Variants in NFKBIZ observed in about 807,000 individuals in gnomAD.
The protein encoded by NFKBIZ is NFKB inhibitor zeta.
A neutral mutation model predicts 76.8 loss-of-function variants in NFKBIZ; 19 were observed. The observed-to-expected ratio is 0.25, with a 90% CI of 0.17 to 0.36. NFKBIZ has a LOEUF of 0.36. Among genes scored for constraint, NFKBIZ ranks in the 10% least tolerant of loss-of-function variants. The pLI is 1.00. For missense variants in NFKBIZ, 829 were observed against 910.9 expected (o/e 0.91, Z 1.16); for synonymous variants, 368 against 354.8 (o/e 1.04, Z -0.42).
chr3:101,830,283 G>A lies in NFKBIZ; in HGVS notation c.-12+595G>A, dbSNP rs587451. Among the ~76,000 whole-genome samples the A allele has an allele frequency of 4.7e-3, 713 of 152,284 alleles. 1 individual carries two copies. Among genetic ancestry groups the A allele is most frequent in the Non-Finnish European group, 7.6e-3 (520 of 68,016 alleles). Reference sequence around the variant, plus strand: ...CAGCAAGATCTCATTTAGCCCTACAGCATTTTTTAGGTAGCTGTAATTAGC... The same window carrying A: ...CAGCAAGATCTCATTTAGCCCTACAACATTTTTTAGGTAGCTGTAATTAGC... On this transcript the variant is annotated intron_variant, in intron 2 of 12. Transcript: ENST00000394054.
chr3:101,848,583 A>C (rs1263048944), upstream of NFKBIZ, among the ~76,000 whole-genome samples: 1 of 152,198 alleles, frequency 6.6e-6, no homozygotes, highest in Non-Finnish European at 1.5e-5. Context: ...TCATTCCCGC[A>C]TTTTTTGCTA....
At chr3:101,856,939 T>G in intron 9 of NFKBIZ, 134 bp from the exon 10 acceptor site, 1 of 647,452 alleles carries the variant, frequency 1.5e-6, no homozygotes, top group Non-Finnish European at 2.7e-6. Flanking sequence ...AAGCAAGGCA[T>G]TTTGGAGAAG....
chr3:101,830,835 A>G (rs1942637982), intron 2 of NFKBIZ, among the ~76,000 whole-genome samples: 1 of 152,192 alleles, frequency 6.6e-6, no homozygotes, highest in Non-Finnish European at 1.5e-5. Flanking sequence ...ACCACGACAA[A>G]TGGTGAATTC....
upstream of NFKBIZ, among the ~76,000 whole-genome samples, chr3:101,847,884 C>T (rs1942876679): frequency 6.6e-6 from 1 of 152,200 alleles, no homozygotes; most frequent in South Asian, 2.1e-4. Flanking sequence ...AAAACCCAAA[C>T]ATTCTGCTCT....
At chr3:101,848,402 T>G (rs1942884568), upstream of NFKBIZ, among the ~76,000 whole-genome samples, 1 of 152,220 alleles carries the variant, frequency 6.6e-6, no homozygotes, top group East Asian at 1.9e-4. Context: ...ACCCATCCTT[T>G]AGGACCTATC....
intron 2 of NFKBIZ, among the ~76,000 whole-genome samples, chr3:101,830,129 T>G (rs1170239067): frequency 1.3e-5 from 2 of 152,150 alleles, no homozygotes; most frequent in Non-Finnish European, 2.9e-5. Context: ...TTCTGTTCCT[T>G]TAATTTGGGA....
intron 2 of NFKBIZ, among the ~76,000 whole-genome samples, chr3:101,834,951 C>G (rs527379763): frequency 6.6e-6 from 1 of 152,336 alleles, no homozygotes; most frequent in African/African-American, 2.4e-5. Context: ...TGGTCCTCCT[C>G]TTCTCCTATG....
At chr3:101,842,145 G>C (rs1373338246) in intron 2 of NFKBIZ, among the ~76,000 whole-genome samples, 7 of 152,132 alleles carry the variant, frequency 4.6e-5, no homozygotes, top group African/African-American at 1.7e-4. Flanking sequence ...TGAGAGTTGG[G>C]GTCAGGGGAG....
intron 2 of NFKBIZ, among the ~76,000 whole-genome samples, chr3:101,841,531 T>C (rs1032344954): frequency 5.3e-5 from 8 of 152,208 alleles, no homozygotes; most frequent in Non-Finnish European, 1.2e-4. Context: ...AGCACTACCA[T>C]ATTGAAGAAT....
At chr3:101,852,662 G>A in intron 2 of NFKBIZ, 76 bp from the exon 3 acceptor site, 1 of 972,202 alleles carries the variant, frequency 1.0e-6, no homozygotes, top group South Asian at 1.5e-5. Context: ...GGGTGGTAGA[G>A]ATAAGCCTAC....
At chr3:101,844,612 G>A (rs548855325), upstream of NFKBIZ, among the ~76,000 whole-genome samples, 3 of 152,250 alleles carry the variant, frequency 2.0e-5, no homozygotes, top group East Asian at 1.9e-4. Context: ...ATGACTGGCC[G>A]GTGCTGGAAA....
upstream of NFKBIZ, among the ~76,000 whole-genome samples, chr3:101,846,223 G>T (rs961734696): frequency 6.6e-6 from 1 of 152,210 alleles, no homozygotes; most frequent in Admixed American, 6.5e-5. Flanking sequence ...GTTGGCCTCA[G>T]TTGACTTTTC....
In NFKBIZ at chr3:101,857,198, G is replaced by C. The variant is rs751695202; in HGVS notation, c.1935+15G>C. ...TGAATGCAAAGGTACACCAGAGTTG[G>C]AATGGCCTTCTGTACACCCTCTCAA... On this transcript the variant is annotated intron_variant, in intron 10 of 11. Coordinates refer to ENST00000326172, the MANE Select transcript of NFKBIZ (RefSeq NM_031419.4). The C allele has an allele frequency of 4.7e-5, 7 of 150,118 alleles. No individual in the cohort carries two copies. The highest frequency in any genetic ancestry group is 6.8e-5 in the Non-Finnish European group (7 of 102,920). 9.3% of individuals were successfully genotyped at this position (150,118 alleles called of 1,614,324 possible).
rs925414417 is a variant in NFKBIZ at position 101,853,423 on chromosome 3, G to A, written c.897G>A (p.Gln299=). The change falls in exon 5 of 12, where the codon CAG becomes CAA. Residue 299 remains glutamine (Q), a synonymous_variant. Coordinates refer to ENST00000326172, the MANE Select transcript of NFKBIZ (RefSeq NM_031419.4). ...CACAGAACCAGCATGTAGAGCAGCA[G>A]CCACACTACACCCACAAACCAACTC... ...YSPQNQHVEQ[Q]PHYTHKPTLE... The A allele has an allele frequency of 1.3e-5, 21 of 1,614,108 alleles. No individual in the cohort carries two copies. The highest frequency in any genetic ancestry group is 1.8e-5 in the Non-Finnish European group (21 of 1,180,022).
intron 2 of NFKBIZ, among the ~76,000 whole-genome samples, chr3:101,834,270 T>G (rs973608261): frequency 6.6e-5 from 10 of 152,028 alleles, no homozygotes; most frequent in African/African-American, 2.4e-4. Flanking sequence ...CCTCTGACCC[T>G]CATCTCTCTT....
chr3:101,837,753 G>A (rs754722655), intron 2 of NFKBIZ, among the ~76,000 whole-genome samples: 1 of 152,094 alleles, frequency 6.6e-6, no homozygotes, highest in Non-Finnish European at 1.5e-5. Flanking sequence ...TTTTATGGAC[G>A]TTTAACACTG....
At chr3:101,857,818 A>G in intron 11 of NFKBIZ, 1 of 983,772 alleles carries the variant, frequency 1.0e-6, no homozygotes, top group Middle Eastern at 5.2e-4. Flanking sequence ...GAGCCTTCAA[A>G]TATTGTGGAT....
At chr3:101,848,709 A>C (rs1942889908), upstream of NFKBIZ, among the ~76,000 whole-genome samples, 1 of 152,242 alleles carries the variant, frequency 6.6e-6, no homozygotes, top group South Asian at 2.1e-4. Context: ...GAATTTTAAA[A>C]GTTATATCTA....
chr3:101,855,797 T>A lies in NFKBIZ; in HGVS notation c.1719T>A (p.Asn573Lys). ...CTGTGGTCCATGAACTCCAGAGAAA[T>A]CAACAGCCTCATTCACCTGAAGTTC... Reference protein sequence around the residue: ...HNAVVHELQRNQQPHSPEVQE... With the variant: ...HNAVVHELQRKQQPHSPEVQE... The change falls in exon 9 of 12, where the codon AAT becomes AAA. Residue 573 changes from asparagine (N) to lysine (K), a missense_variant. Asn to Lys is a moderately conservative substitution (Grantham distance 94). Transcript: ENST00000326172. 2 of 1,614,090 alleles carry A rather than the reference T, an allele frequency of 1.2e-6. No homozygotes were observed. Among genetic ancestry groups the A allele is most frequent in the East Asian group, 4.5e-5 (2 of 44,870 alleles).
Sources: allele counts gnomAD v4.1 joint callset (sites outside exome capture counted in the v4.1 genomes callset), GRCh38; gene constraint gnomAD v4.1.1; transcripts MANE v1.5; gene names NCBI Gene and HGNC (gene_info 2026-07-23, HGNC 2026-07-21).